Variants in XKR4 observed in about 807,000 individuals in gnomAD.
The protein encoded by XKR4 is XK-related protein 4.
A neutral mutation model predicts 53.9 loss-of-function variants in XKR4; 12 were observed. That is an observed-to-expected ratio of 0.22 (90% CI 0.14 to 0.36). XKR4 has a LOEUF of 0.36. XKR4 is among the 10% of genes least tolerant of loss of function. The pLI is 1.00. For synonymous variants in XKR4, 354 were observed against 362.4 expected (o/e 0.98, Z 0.26); for missense variants, 799 against 859.5 (o/e 0.93, Z 0.88).
chr8:55,119,192 A>G (rs1221266022), intron 1 of XKR4, among the ~76,000 whole-genome samples: 3 of 152,188 alleles, frequency 2.0e-5, no homozygotes, highest in Non-Finnish European at 4.4e-5. Context: ...TCTGCCATTT[A>G]TAACTGTTTA....
chr8:55,313,009 T>C (rs577795188), intron 1 of XKR4, among the ~76,000 whole-genome samples: 1 of 152,202 alleles, frequency 6.6e-6, no homozygotes, highest in Non-Finnish European at 1.5e-5. Context: ...GACACAGTTG[T>C]TTGGTTACAT....
chr8:55,496,494 A>T (rs1332664694), intron 2 of XKR4, among the ~76,000 whole-genome samples: 1 of 152,218 alleles, frequency 6.6e-6, no homozygotes, highest in African/African-American at 2.4e-5. Context: ...GCTTCAGTTT[A>T]CTCATCTAAA....
intron 2 of XKR4, among the ~76,000 whole-genome samples, chr8:55,411,854 C>G (rs1313277277): frequency 6.6e-6 from 1 of 152,132 alleles, no homozygotes; most frequent in African/African-American, 2.4e-5. Context: ...GCTGCAGCCA[C>G]CCATGAAGGA....
intron 1 of XKR4, among the ~76,000 whole-genome samples, chr8:55,158,684 A>G (rs547877305): frequency 1.3e-5 from 2 of 152,334 alleles, no homozygotes; most frequent in South Asian, 4.1e-4. Context: ...TATATGGTAC[A>G]AGGAAGGGGT....
intron 2 of XKR4, chr8:55,454,153 G>T: frequency 1.1e-6 from 1 of 937,898 alleles, no homozygotes; most frequent in Non-Finnish European, 1.8e-6. Context: ...CCGGGTCCAG[G>T]ACCATTCTTA....
intron 1 of XKR4, among the ~76,000 whole-genome samples, chr8:55,233,214 A>C (rs1818069354): frequency 6.6e-6 from 1 of 152,214 alleles, no homozygotes; most frequent in Non-Finnish European, 1.5e-5. Flanking sequence ...TCAGAAAGGG[A>C]GGAACTGGAG....
At chr8:55,311,571 G>A (rs16921578) in intron 1 of XKR4, among the ~76,000 whole-genome samples, 54,306 of 151,810 alleles carry the variant, frequency 0.36, 10,501 homozygotes, top group East Asian at 0.62. Flanking sequence ...AGGCTCTTAG[G>A]GTCTAACACA....
chr8:55,466,729 A>C (rs1158606471), intron 2 of XKR4, among the ~76,000 whole-genome samples: 1 of 152,140 alleles, frequency 6.6e-6, no homozygotes, highest in African/African-American at 2.4e-5. Flanking sequence ...CATGTAATAT[A>C]TGATGTATCA....
chr8:55,153,827 T>C lies in XKR4; in HGVS notation c.806+50533T>C, dbSNP rs148454968. On this transcript the variant is annotated intron_variant, in intron 1 of 2. Transcript: ENST00000327381. ...ATATGCTCATGCTTTCTTGATACTA[T>C]GCGAATCCACTTGGAAAAAAGAAAG... Among the ~76,000 whole-genome samples the C allele has an allele frequency of 5.3e-5, 8 of 151,296 alleles. No individual in the cohort carries two copies. In the East Asian group the frequency reaches 1.5e-3, roughly 29 times the overall value.
intron 1 of XKR4, among the ~76,000 whole-genome samples, chr8:55,266,936 T>C (rs1457821740): frequency 2.0e-5 from 3 of 152,184 alleles, no homozygotes; most frequent in Non-Finnish European, 4.4e-5. Context: ...ATTACAGGAC[T>C]TGTGTCCCCT....
intron 1 of XKR4, among the ~76,000 whole-genome samples, chr8:55,239,550 C>T (rs1056344587): frequency 6.6e-6 from 1 of 152,210 alleles, no homozygotes; most frequent in Non-Finnish European, 1.5e-5. Context: ...TCTCCTTCTG[C>T]TGCCCCACCT....
intron 1 of XKR4, among the ~76,000 whole-genome samples, chr8:55,318,508 A>G (rs1242531172): frequency 1.3e-5 from 2 of 152,208 alleles, no homozygotes; most frequent in Admixed American, 6.5e-5. Context: ...CGACCAAACC[A>G]AAGTATATCT....
In XKR4 at chr8:55,481,746, C is replaced by G. The variant is rs375942589; in HGVS notation, c.1007-41535C>G. Among the ~76,000 whole-genome samples, 216 of 151,900 alleles carry G rather than the reference C, an allele frequency of 1.4e-3. 1 individual carries two copies. The highest frequency in any genetic ancestry group is 4.5e-3 in the African/African-American group (187 of 41,372). On this transcript the variant is annotated intron_variant, in intron 2 of 2. Transcript: ENST00000327381. Reference sequence around the variant, plus strand: ...AAAAAGTGGGCAAAGGATATGAACACACACTTCTCAAAAGAAGACATTTAT... The same window carrying G: ...AAAAAGTGGGCAAAGGATATGAACAGACACTTCTCAAAAGAAGACATTTAT...
At chr8:55,143,687 G>A (rs1018923673) in intron 1 of XKR4, among the ~76,000 whole-genome samples, 5 of 152,284 alleles carry the variant, frequency 3.3e-5, no homozygotes, top group South Asian at 2.1e-4. Context: ...TGGTGTGCCC[G>A]TAGTCACAAC....
At chr8:55,515,590 T>G (rs954912240) in intron 2 of XKR4, among the ~76,000 whole-genome samples, 1 of 152,204 alleles carries the variant, frequency 6.6e-6, no homozygotes, top group African/African-American at 2.4e-5. Flanking sequence ...TCAACTCAAG[T>G]ATGGAACTGT....
chr8:55,261,719 A>G (rs1005927927), intron 1 of XKR4, among the ~76,000 whole-genome samples: 3 of 152,230 alleles, frequency 2.0e-5, no homozygotes, highest in African/African-American at 4.8e-5. Context: ...ACAGCTGAGC[A>G]GATTTCCTTC....
chr8:55,208,749 G>A (rs911381524), intron 1 of XKR4, among the ~76,000 whole-genome samples: 1 of 152,002 alleles, frequency 6.6e-6, no homozygotes, highest in African/African-American at 2.4e-5. Flanking sequence ...ACAGGCATGA[G>A]CCACCACACC....
chr8:55,192,528 G>T (rs1817457697), intron 1 of XKR4, among the ~76,000 whole-genome samples: 1 of 152,080 alleles, frequency 6.6e-6, no homozygotes, highest in African/African-American at 2.4e-5. Context: ...TTTCCGTACT[G>T]GATCAAAATT....
At chr8:55,374,488 C>G (rs1468754488) in intron 2 of XKR4, among the ~76,000 whole-genome samples, 2 of 152,174 alleles carry the variant, frequency 1.3e-5, no homozygotes, top group African/African-American at 4.8e-5. Flanking sequence ...ATAGAAGAGA[C>G]AACCTAGGGA....
Sources: gnomAD v4.1 joint callset for allele counts (sites outside exome capture counted in the v4.1 genomes callset) on GRCh38, gnomAD v4.1.1 for gene constraint, MANE v1.5 for transcripts, NCBI Gene and HGNC (gene_info 2026-07-23, HGNC 2026-07-21) for gene names.